MYO15A: variants seen among roughly 807,000 people sequenced by gnomAD.
The protein encoded by MYO15A is myosin XVA.
Under a neutral mutation model 394.6 loss-of-function variants are expected in MYO15A, and 308 were observed. That is an observed-to-expected ratio of 0.78 (90% CI 0.71 to 0.86). The LOEUF (loss-of-function observed/expected upper bound fraction) is 0.86. Among genes scored for constraint, MYO15A ranks in the 40% least tolerant of loss-of-function variants. MYO15A has a pLI of 0.00. For missense variants in MYO15A, 4,606 were observed against 4,799.1 expected, an observed-to-expected ratio of 0.96 and a Z score of 1.19; for synonymous variants, 1,957 against 2,003.8, an observed-to-expected ratio of 0.98 and a Z score of 0.62.
rs929216120 is a variant in MYO15A at position 18,166,419 on chromosome 17, G to A, written c.9846G>A (p.Met3282Ile). ...ACATCCTGGATGTGGCCTCAGAGAT[G>A]GAGCAGGTGGACGGCGGCTACATGC... ...RAYILDVASE[M>I]EQVDGGYMLW... The change falls in exon 61 of 66, where the codon ATG becomes ATA. Residue 3282 changes from methionine to isoleucine, a missense_variant. Met to Ile is a conservative substitution (Grantham distance 10, BLOSUM62 1). Around this residue, in one of 2 missense-constraint regions of MYO15A, gnomAD observed 2,776 missense variants for 3,109.3 expected, o/e 0.89. Transcript: ENST00000647165. The A allele has an allele frequency of 1.2e-6, 2 of 1,614,082 alleles. No individual in the cohort carries two copies. The highest frequency in any genetic ancestry group is 1.3e-5 in the African/African-American group (1 of 75,072).
intron 57 of MYO15A, 36 bp from the exon 58 acceptor site, chr17:18,162,549 C>A: frequency 6.3e-7 from 1 of 1,599,258 alleles, no homozygotes; most frequent in Non-Finnish European, 8.6e-7. Flanking sequence ...TCCCACAGTC[C>A]ACCTTGGGCG....
At chr17:18,160,944 G>A in intron 56 of MYO15A, 1 of 383,918 alleles carries the variant, frequency 2.6e-6, no homozygotes, top group Non-Finnish European at 5.0e-6. Context: ...TTGTCCTCCT[G>A]CTCCTCCCAG....
intron 64 of MYO15A, 128 bp downstream of exon 64, chr17:18,172,418 C>A: frequency 7.4e-7 from 1 of 1,360,322 alleles, no homozygotes; most frequent in Non-Finnish European, 1.0e-6. Context: ...TGATCTCAGG[C>A]AAGTCTCTTC....
In MYO15A at chr17:18,173,825, G is replaced by T. The variant is rs747753156; in HGVS notation, c.10395G>T (p.Arg3465=). The T allele has an allele frequency of 1.2e-6, 2 of 1,613,906 alleles. No individual in the cohort carries two copies. Among genetic ancestry groups the T allele is most frequent in the Non-Finnish European group, 1.7e-6 (2 of 1,180,048 alleles). The change falls in exon 65 of 66, where the codon CGG becomes CGT. Residue 3465 remains arginine (R), a synonymous_variant. Transcript: ENST00000647165. ...CCCTGAAGGAGATCCAGTCGACGCG[G>T]ACCCAGCGGCCCACGGCCAACTCCA... is the stretch of plus-strand genomic sequence containing the variant. The part of the protein sequence containing the change: ...KFPLKEIQST[R]TQRPTANSSY...
intron 56 of MYO15A, chr17:18,160,926 C>G: frequency 2.7e-6 from 1 of 373,212 alleles, no homozygotes; most frequent in East Asian, 6.9e-5. Context: ...TTTTTAGAAC[C>G]ACTCAGCTTG....
rs949172260 is a variant in MYO15A, at chr17:18,147,088, G to C, written c.6510-941G>C. On this transcript the variant is annotated intron_variant, in intron 30 of 65. Transcript: ENST00000647165. This position sits in a 1 kb window ranked among gnomAD's most constrained non-coding sequence, Gnocchi z 4.4. ...TGTCACCCTGCTGGGTGAGAAGGAT[G>C]ATTTGCAAGGAAATCGCTCAGGCAG... 6.6e-6 allele frequency among the ~76,000 whole-genome samples: 1 copy of C among 152,208 alleles called. No individual in the cohort carries two copies. Among genetic ancestry groups the C allele is most frequent in the Non-Finnish European group, 1.5e-5 (1 of 68,030 alleles).
chr17:18,161,807 T>G (rs908314509), intron 57 of MYO15A, among the ~76,000 whole-genome samples: 1 of 152,086 alleles, frequency 6.6e-6, no homozygotes, highest in South Asian at 2.1e-4. Flanking sequence ...CGGCCCTGCC[T>G]CTCTGACTGT....
chr17:18,155,532 G>A, intron 47 of MYO15A, 100 bp downstream of exon 47: 1 of 1,134,424 alleles, frequency 8.8e-7, no homozygotes, highest in South Asian at 1.3e-5. Flanking sequence ...TACCCATGAT[G>A]CGCCAGGCTC....
At chr17:18,111,669 G>A (rs773181379) in intron 1 of MYO15A, among the ~76,000 whole-genome samples, 5 of 152,212 alleles carry the variant, frequency 3.3e-5, no homozygotes, top group Non-Finnish European at 7.3e-5. Flanking sequence ...GACCAGGAGG[G>A]ATCAGGTGGG....
At position 18,178,673 on chromosome 17, in the gene MYO15A, C is replaced by T. The variant is rs778215739; in HGVS notation, c.10492-96C>T. 7 of 1,206,314 alleles carry T rather than the reference C, an allele frequency of 5.8e-6. No individual in the cohort carries two copies. In the South Asian group the frequency reaches 7.3e-5, roughly 13 times the overall value. 74.7% of individuals were successfully genotyped at this position (1,206,314 alleles called of 1,614,324 possible). ...GTCCCTGCATGAATGATGGTCTCCACCTATCTCCCAACCACCTCTCCATTC... is the reference window on the plus strand; with the variant it reads ...GTCCCTGCATGAATGATGGTCTCCATCTATCTCCCAACCACCTCTCCATTC... On this transcript the variant is annotated intron_variant, in intron 65 of 65. Transcript: ENST00000647165.
At position 18,151,963 on chromosome 17, in the gene MYO15A, A is replaced by C. The variant is rs2046592117; in HGVS notation, c.7893+12A>C. 1 of 1,554,178 alleles carries C rather than the reference A, an allele frequency of 6.4e-7. No homozygotes were observed. The highest frequency in any genetic ancestry group is 8.7e-7 in the Non-Finnish European group (1 of 1,147,824). ...CACCTGGCACCCAGGTGAGGGGGGA[A>C]GGTGGGGCTGAGCCCAGGTGGAACA... On this transcript the variant is annotated intron_variant, in intron 41 of 65. Coordinates refer to ENST00000647165, the MANE Select transcript of MYO15A (RefSeq NM_016239.4).
chr17:18,111,127 G>C (rs937457436), intron 1 of MYO15A, among the ~76,000 whole-genome samples: 1 of 152,158 alleles, frequency 6.6e-6, no homozygotes. Context: ...TTGCCCGGGG[G>C]CAAGGAGTTC....
At position 18,118,971 on chromosome 17, in the gene MYO15A, G is replaced by C; in HGVS notation, c.171G>C (p.Ser57=). The change falls in exon 2 of 66, where the codon TCG becomes TCC. Residue 57 remains serine (S), a synonymous_variant. Coordinates refer to ENST00000647165, the MANE Select transcript of MYO15A (RefSeq NM_016239.4). ...ISKKGQFRSA[S]AFFWGLHTGP... ...AGAAGGGCCAGTTCCGCAGCGCCTC[G>C]GCCTTCTTCTGGGGCCTCCACACCG... The C allele has an allele frequency of 2.5e-6, 4 of 1,613,072 alleles. No individual in the cohort carries two copies. Among genetic ancestry groups the C allele is most frequent in the Non-Finnish European group, 3.4e-6 (4 of 1,179,960 alleles).
At chr17:18,177,166 T>A (rs565310077) in intron 65 of MYO15A, 3 of 152,330 alleles carry the variant, frequency 2.0e-5, no homozygotes, top group Admixed American at 2.0e-4. Flanking sequence ...ACTGAGCATC[T>A]CTGTGTAGCA....
Position 18,122,159 on chromosome 17 carries a change from G to A in MYO15A, c.3359G>A (p.Arg1120His), listed in dbSNP as rs200738532. ...APGRFAVVMP[R>H]VQKLSSFQRV... Reference sequence around the variant, plus strand: ...GGGCGTTTTGCTGTGGTCATGCCTCGTGTGCAGAAGCTGAGCTCTTTCCAG... The same window carrying A: ...GGGCGTTTTGCTGTGGTCATGCCTCATGTGCAGAAGCTGAGCTCTTTCCAG... The change falls in exon 2 of 66, where the codon CGT becomes CAT. Residue 1120 changes from arginine to histidine, a missense_variant. Transcript: ENST00000647165. 248 of 1,613,076 alleles carry A rather than the reference G, an allele frequency of 1.5e-4. 1 individual carries two copies. In the African/African-American group the frequency reaches 1.6e-3, roughly 11 times the overall value.
chr17:18,120,884 G>A lies in MYO15A; in HGVS notation c.2084G>A (p.Gly695Asp). 2 of 1,363,128 alleles carry A rather than the reference G, an allele frequency of 1.5e-6. No homozygotes were observed. The highest frequency in any genetic ancestry group is 9.4e-7 in the Non-Finnish European group (1 of 1,058,330). The allele number at this position is 1,363,128 out of a possible 1,614,324, so 84.4% of individuals were successfully genotyped here. The change falls in exon 2 of 66, where the codon GGC becomes GAC. Residue 695 changes from glycine (G) to aspartate (D), a missense_variant. This residue lies in a region of MYO15A where 1,830 missense variants were observed against 1,689.7 expected (regional missense o/e 1.08). Coordinates refer to ENST00000647165, the MANE Select transcript of MYO15A (RefSeq NM_016239.4). Reference protein sequence around the residue: ...SGLPRPASPYGSLRRHPPPWA... With the variant: ...SGLPRPASPYDSLRRHPPPWA... ...CTGCCCCGGCCGGCCTCGCCCTACG[G>A]CTCCCTCCGCCGCCACCCGCCGCCC... is the stretch of plus-strand genomic sequence containing the variant.
intron 15 of MYO15A, among the ~76,000 whole-genome samples, 177 bp from the exon 16 acceptor site, chr17:18,137,407 G>A (rs960553336): frequency 1.3e-5 from 2 of 152,202 alleles, no homozygotes; most frequent in African/African-American, 4.8e-5. Context: ...CACTGCCTGT[G>A]CTGTCAGGAC....
intron 1 of MYO15A, among the ~76,000 whole-genome samples, chr17:18,116,690 G>C (rs968557682): frequency 6.6e-6 from 1 of 152,126 alleles, no homozygotes; most frequent in Non-Finnish European, 1.5e-5. Flanking sequence ...GGAGGCCAAG[G>C]TTGGTGGATC....
intron 2 of MYO15A, chr17:18,122,780 G>C (rs2045961987): frequency 4.2e-6 from 1 of 238,660 alleles, no homozygotes; most frequent in African/African-American, 2.3e-5. Context: ...GAAACTGCCG[G>C]ACATGCCTAT....
Sources: allele counts gnomAD v4.1 joint callset (sites outside exome capture counted in the v4.1 genomes callset), GRCh38; gene constraint gnomAD v4.1.1; regional missense constraint gnomAD v4.1.1; non-coding constraint Gnocchi (gnomAD v3.1); transcripts MANE v1.5; gene names NCBI Gene and HGNC (gene_info 2026-07-23, HGNC 2026-07-21).